Variants in GALNT10 observed in about 807,000 individuals in gnomAD.
GALNT10 encodes the protein GalNAc transferase 10.
Under a neutral mutation model 75.0 loss-of-function variants are expected in GALNT10, and 41 were observed. The ratio of observed to expected loss-of-function variants is 0.55; its 90% CI spans 0.43 to 0.71. The LOEUF (loss-of-function observed/expected upper bound fraction) is 0.71, where lower values mean the gene tolerates loss of function less well. Ranked by LOEUF, GALNT10 falls within the 30% of genes least tolerant of loss-of-function variation. The probability of loss-of-function intolerance (pLI) is 0.00; values close to 1 mark genes in which losing one functional copy is unlikely to be tolerated. For synonymous variants in GALNT10, 302 were observed against 313.0 expected (o/e 0.96, Z 0.37); for missense variants, 727 against 818.5 (o/e 0.89, Z 1.36).
chr5:154,207,766 T>C (rs1277994425), intron 1 of GALNT10, among the ~76,000 whole-genome samples: 1 of 152,050 alleles, frequency 6.6e-6, no homozygotes, highest in African/African-American at 2.4e-5. Context: ...GCATAGGGTG[T>C]GCAGGGTCTC....
In GALNT10 at chr5:154,247,543, T is replaced by A. The variant is rs775505143; in HGVS notation, c.160-47273T>A. 5.4e-4 allele frequency among the ~76,000 whole-genome samples: 83 copies of A among 152,342 alleles called. 1 individual carries two copies. Among genetic ancestry groups the A allele is most frequent in the Non-Finnish European group, 5.4e-4 (37 of 68,024 alleles). On this transcript the variant is annotated intron_variant, in intron 1 of 11. Transcript: ENST00000297107. ...GTCCTTCACATCCTTGTAAGTTGGA[T>A]TCCTAGGTATTTTATTCTCTTTGAA...
chr5:154,202,931 G>A (rs1775050094), intron 1 of GALNT10, among the ~76,000 whole-genome samples: 2 of 152,184 alleles, frequency 1.3e-5, no homozygotes, highest in Admixed American at 6.5e-5. Flanking sequence ...TCTGCACTCT[G>A]CCCTGGCAGC....
At chr5:154,373,074 G>A (rs1755599528) in intron 4 of GALNT10, among the ~76,000 whole-genome samples, 2 of 152,164 alleles carry the variant, frequency 1.3e-5, no homozygotes, top group African/African-American at 2.4e-5. Context: ...TGTGTCAGAC[G>A]CTGAGGCATC....
intron 1 of GALNT10, among the ~76,000 whole-genome samples, chr5:154,243,161 CAACTT>C (rs1188063129): frequency 9.2e-5 from 14 of 152,242 alleles, no homozygotes; most frequent in Admixed American, 8.5e-4. Context: ...GATGGGGTCT[CAACTT>C]ATCTTATCTC....
intron 7 of GALNT10, among the ~76,000 whole-genome samples, chr5:154,390,184 T>A (rs2113191135): frequency 6.6e-6 from 1 of 152,338 alleles, no homozygotes; most frequent in South Asian, 2.1e-4. Context: ...GCTGGGAGAA[T>A]TTCACAAAGC....
At chr5:154,277,361 T>C (rs982640201) in intron 1 of GALNT10, among the ~76,000 whole-genome samples, 1 of 151,972 alleles carries the variant, frequency 6.6e-6, no homozygotes, top group Non-Finnish European at 1.5e-5. Flanking sequence ...AGTACAAGTC[T>C]CTCGAAGCTT....
At chr5:154,331,008 A>G (rs1003845374) in intron 4 of GALNT10, among the ~76,000 whole-genome samples, 2 of 151,504 alleles carry the variant, frequency 1.3e-5, no homozygotes, top group African/African-American at 4.9e-5. Context: ...CTTGACATAC[A>G]CTCATTCTCG....
intron 4 of GALNT10, among the ~76,000 whole-genome samples, chr5:154,348,107 T>C (rs1273346246): frequency 2.0e-5 from 3 of 152,252 alleles, no homozygotes; most frequent in Non-Finnish European, 4.4e-5. Context: ...TGGTGGTTCA[T>C]AGCTGCCTTA....
rs1026947285 is a variant in GALNT10, at chr5:154,263,876, A to G, written c.160-30940A>G. 2.6e-5 allele frequency among the ~76,000 whole-genome samples: 4 copies of G among 152,186 alleles called. No individual in the cohort carries two copies. In the East Asian group the frequency reaches 5.8e-4, roughly 22 times the overall value. Reference sequence around the variant, plus strand: ...AAACATTCACACCATAGCACTCATAATGGGTACAGAGTTTCTTTTTAGGAT... The same window carrying G: ...AAACATTCACACCATAGCACTCATAGTGGGTACAGAGTTTCTTTTTAGGAT... On this transcript the variant is annotated intron_variant, in intron 1 of 11. Transcript: ENST00000297107.
chr5:154,380,287 G>A (rs967145682), intron 5 of GALNT10, among the ~76,000 whole-genome samples, 161 bp from the exon 6 acceptor site: 10 of 151,972 alleles, frequency 6.6e-5, no homozygotes, highest in African/African-American at 2.4e-4. Context: ...TGAGAGCCTC[G>A]GTCCCTCTTG....
intron 4 of GALNT10, among the ~76,000 whole-genome samples, chr5:154,350,938 T>C (rs980071414): frequency 1.3e-5 from 2 of 152,232 alleles, no homozygotes; most frequent in African/African-American, 4.8e-5. Flanking sequence ...GTCCCCCCAC[T>C]TGTAGTTTCT....
intron 1 of GALNT10, among the ~76,000 whole-genome samples, chr5:154,236,472 A>T (rs1163192160): frequency 2.6e-5 from 4 of 152,186 alleles, no homozygotes; most frequent in Admixed American, 1.3e-4. Context: ...TTAGGCTTAA[A>T]TTGTAGGCTC....
Position 154,416,855 on chromosome 5 carries a change from C to T in GALNT10, c.1695C>T (p.Asp565=), listed in dbSNP as rs994918254. Residue 565 remains aspartate (D), a synonymous_variant, in exon 12 of 12, where the codon GAC becomes GAT. Coordinates refer to ENST00000297107, the MANE Select transcript of GALNT10 (RefSeq NM_198321.4). The surrounding 1 kb of genome is among the most constrained non-coding windows in gnomAD (Gnocchi z 4.5). ...LYHPVSGSCM[D]CSESDHRIFM... ...ACCCTGTCAGTGGCAGCTGCATGGA[C>T]TGCAGTGAAAGTGACCATAGGATCT... 7.4e-6 allele frequency: 12 copies of T among 1,612,514 alleles called. No individual in the cohort carries two copies. Among genetic ancestry groups the T allele is most frequent in the Non-Finnish European group, 1.0e-5 (12 of 1,178,480 alleles).
Position 154,412,591 on chromosome 5 carries a change from T to G in GALNT10, c.1387-298T>G. ...CCTGTCGGTTCAATTTCTCCAGGAG[T>G]AGGGCCAGGGAGTCCTTTACCAACT... On this transcript the variant is annotated intron_variant, in intron 9 of 11. Coordinates refer to ENST00000297107, the MANE Select transcript of GALNT10 (RefSeq NM_198321.4). The surrounding 1 kb of genome is among the most constrained non-coding windows in gnomAD (Gnocchi z 4.2). 3.2e-6 allele frequency: 1 copy of G among 313,994 alleles called. No individual in the cohort carries two copies. The highest frequency in any genetic ancestry group is 6.0e-6 in the Non-Finnish European group (1 of 165,954). 19.5% of individuals were successfully genotyped at this position (313,994 alleles called of 1,614,324 possible).
chr5:154,310,092 G>A (rs996537179), intron 3 of GALNT10, among the ~76,000 whole-genome samples: 3 of 152,168 alleles, frequency 2.0e-5, no homozygotes, highest in Non-Finnish European at 4.4e-5. Context: ...AATGAATGAC[G>A]GGAGTCTGCA....
At chr5:154,406,004 A>T (rs1756273992) in intron 8 of GALNT10, 1 of 151,914 alleles carries the variant, frequency 6.6e-6, no homozygotes, top group South Asian at 2.1e-4. Context: ...ATTCCCTTCG[A>T]GCCAGGCATG....
intron 1 of GALNT10, among the ~76,000 whole-genome samples, chr5:154,233,995 C>T (rs1477123174): frequency 1.3e-5 from 2 of 152,056 alleles, no homozygotes; most frequent in Admixed American, 1.3e-4. Flanking sequence ...TGGGAGGGGC[C>T]CTAGCAATGT....
At chr5:154,307,435 A>C (rs35600579) in intron 3 of GALNT10, among the ~76,000 whole-genome samples, 11 of 151,746 alleles carry the variant, frequency 7.2e-5, no homozygotes, top group Admixed American at 2.6e-4. Context: ...CCTGGCTAAC[A>C]TGGTGAAACC....
intron 1 of GALNT10, among the ~76,000 whole-genome samples, chr5:154,199,840 C>G (rs1272489492): frequency 6.6e-6 from 1 of 152,196 alleles, no homozygotes; most frequent in Non-Finnish European, 1.5e-5. Context: ...CTTGCTGGCT[C>G]TGTGCCTGAC....
Sources: allele counts gnomAD v4.1 joint callset (sites outside exome capture counted in the v4.1 genomes callset), GRCh38; gene constraint gnomAD v4.1.1; non-coding constraint Gnocchi (gnomAD v3.1); transcripts MANE v1.5; gene names NCBI Gene and HGNC (gene_info 2026-07-23, HGNC 2026-07-21).